The following DRG1 variants were observed in gnomAD, a reference collection of about 807,000 sequenced individuals.
The protein encoded by DRG1 is developmentally-regulated GTP-binding protein 1.
DRG1 carries 19 observed loss-of-function variants against 38.8 expected under a neutral mutation model. The ratio of observed to expected loss-of-function variants is 0.49; its 90% CI spans 0.34 to 0.72. The LOEUF (loss-of-function observed/expected upper bound fraction) is 0.72. DRG1 is among the 30% of genes least tolerant of loss of function. The pLI is 0.01. For missense variants in DRG1, 299 were observed against 444.8 expected, an observed-to-expected ratio of 0.67 and a Z score of 2.95; for synonymous variants, 167 against 157.5, an observed-to-expected ratio of 1.06 and a Z score of -0.45.
At chr22:31,433,814 A>C in intron 8 of DRG1, 58 bp from the exon 9 acceptor site, 1 of 1,530,716 alleles carries the variant, frequency 6.5e-7, no homozygotes, top group East Asian at 2.3e-5. Context: ...CATCCAGGCA[A>C]ATAGGGCAGA....
At chr22:31,425,649 G>A (rs1043168058) in intron 6 of DRG1, among the ~76,000 whole-genome samples, 5 of 152,004 alleles carry the variant, frequency 3.3e-5, no homozygotes, top group Admixed American at 2.0e-4. Context: ...CCACGTTGCC[G>A]AGACTGGTCT....
intron 5 of DRG1, 77 bp from the exon 6 acceptor site, chr22:31,423,203 G>A: frequency 6.4e-7 from 1 of 1,568,628 alleles, no homozygotes; most frequent in Non-Finnish European, 8.7e-7. Flanking sequence ...AATTTTCCAG[G>A]TACATGGATA....
intron 4 of DRG1, among the ~76,000 whole-genome samples, chr22:31,413,903 C>T (rs1013970503): frequency 3.3e-5 from 5 of 152,110 alleles, no homozygotes; most frequent in African/African-American, 4.8e-5. Flanking sequence ...GGTGAGCCAC[C>T]GGGCCCTCCC....
intron 5 of DRG1, among the ~76,000 whole-genome samples, chr22:31,422,218 G>A (rs574936054): frequency 6.6e-6 from 1 of 152,230 alleles, no homozygotes; most frequent in Non-Finnish European, 1.5e-5. Flanking sequence ...GATTACATGA[G>A]GTCAGGAGTT....
chr22:31,407,364 T>C (rs2049994467), intron 3 of DRG1, among the ~76,000 whole-genome samples: 1 of 152,142 alleles, frequency 6.6e-6, no homozygotes, highest in Admixed American at 6.6e-5. Flanking sequence ...TCTCCCTCGC[T>C]CTGTCACCCA....
chr22:31,413,096 A>C (rs1416822493), intron 4 of DRG1, among the ~76,000 whole-genome samples: 2 of 151,464 alleles, frequency 1.3e-5, no homozygotes, highest in Non-Finnish European at 2.9e-5. Flanking sequence ...TAATTTTCTT[A>C]ATTTTCTTTT....
At chr22:31,402,205 G>T (rs1052080794) in intron 2 of DRG1, among the ~76,000 whole-genome samples, 1 of 152,060 alleles carries the variant, frequency 6.6e-6, no homozygotes, top group African/African-American at 2.4e-5. Context: ...ATAAGATTTA[G>T]GACTAAAAGG....
chr22:31,405,667 A>ATG (rs200228397), intron 3 of DRG1, among the ~76,000 whole-genome samples: 5,536 of 147,260 alleles, frequency 0.038, 400 homozygotes, highest in East Asian at 0.35. Context: ...ACTGTTGGGC[A>ATG]TGTGTGTGTG....
intron 8 of DRG1, among the ~76,000 whole-genome samples, chr22:31,430,781 CT>C (rs2050134243): frequency 6.6e-6 from 1 of 152,034 alleles, no homozygotes; most frequent in Non-Finnish European, 1.5e-5. Context: ...TGCGGTGGCT[CT>C]GTCACAGCTC....
rs1025631134 is a variant in DRG1 at position 31,434,029 on chromosome 22, C to G, written c.*58C>G. The G allele has an allele frequency of 6.0e-6, 9 of 1,504,288 alleles. No individual in the cohort carries two copies. In the South Asian group the frequency reaches 8.1e-5, roughly 14 times the overall value. 93.2% of individuals were successfully genotyped at this position (1,504,288 alleles called of 1,614,324 possible). On this transcript the variant is annotated 3_prime_UTR_variant, in exon 9 of 9. Transcript: ENST00000331457. ...CACAACAGCGTTCCCCATGATCAAG[C>G]ACCCTACCCCAGTTCTTTCTGGTTT... is the stretch of plus-strand genomic sequence containing the variant.
At chr22:31,412,630 T>C (rs1310744169) in intron 4 of DRG1, among the ~76,000 whole-genome samples, 2 of 152,046 alleles carry the variant, frequency 1.3e-5, no homozygotes, top group African/African-American at 4.8e-5. Context: ...ATTGCAGGTG[T>C]GAACCACCGT....
At chr22:31,430,837 G>A (rs926483954) in intron 8 of DRG1, among the ~76,000 whole-genome samples, 1 of 151,796 alleles carries the variant, frequency 6.6e-6, no homozygotes, top group Non-Finnish European at 1.5e-5. Flanking sequence ...TCCTACCTCA[G>A]TTTCTGAATA....
chr22:31,413,117 T>TA (rs1157339189), intron 4 of DRG1, among the ~76,000 whole-genome samples: 6 of 152,130 alleles, frequency 3.9e-5, no homozygotes, highest in African/African-American at 1.4e-4. Flanking sequence ...TTTATAAAGA[T>TA]AGAGTCTCAC....
At chr22:31,418,936 G>A (rs937153722) in intron 4 of DRG1, among the ~76,000 whole-genome samples, 6 of 151,984 alleles carry the variant, frequency 3.9e-5, no homozygotes, top group African/African-American at 1.2e-4. Flanking sequence ...CTGCCTCAGC[G>A]TCCCGAACTG....
At chr22:31,427,968 C>T (rs1327505261) in intron 8 of DRG1, among the ~76,000 whole-genome samples, 3 of 152,046 alleles carry the variant, frequency 2.0e-5, no homozygotes, top group Non-Finnish European at 4.4e-5. Flanking sequence ...AACTCTTGAC[C>T]TCAGCCCCCC....
intron 3 of DRG1, among the ~76,000 whole-genome samples, chr22:31,407,275 A>G (rs1358331703): frequency 1.3e-5 from 2 of 151,996 alleles, no homozygotes; most frequent in African/African-American, 4.8e-5. Flanking sequence ...TTTTCCTCAA[A>G]CTTTTGCCTG....
intron 4 of DRG1, among the ~76,000 whole-genome samples, chr22:31,416,095 G>A (rs569146482): frequency 2.0e-5 from 3 of 152,088 alleles, no homozygotes; most frequent in Non-Finnish European, 4.4e-5. Flanking sequence ...GATCACTTGA[G>A]GCCAGGAGTT....
chr22:31,408,595 T>TA (rs543089850), intron 3 of DRG1, among the ~76,000 whole-genome samples: 8 of 150,558 alleles, frequency 5.3e-5, no homozygotes, highest in Admixed American at 4.0e-4. Context: ...TAAAAATACA[T>TA]AAAAAAAATT....
rs376758660 is a variant in DRG1, at chr22:31,420,296, C to T, written c.453C>T (p.Val151=). The change falls in exon 5 of 9, where the codon GTC becomes GTT. Residue 151 remains valine, a synonymous_variant. Transcript: ENST00000331457. ...TCNLILIVLD[V]LKPLGHKKII... is the part of the protein sequence containing the mutation. ...ACTTGATCTTGATTGTTCTGGATGT[C>T]CTGAAACCTTTGGGACATAAGAAGA... 2.0e-5 allele frequency: 32 copies of T among 1,613,912 alleles called. No homozygotes were observed. Among genetic ancestry groups the T allele is most frequent in the Non-Finnish European group, 2.4e-5 (28 of 1,180,032 alleles).
Sources: gnomAD v4.1 joint callset for allele counts (sites outside exome capture counted in the v4.1 genomes callset) on GRCh38, gnomAD v4.1.1 for gene constraint, MANE v1.5 for transcripts, NCBI Gene and HGNC (gene_info 2026-07-23, HGNC 2026-07-21) for gene names.